FARS2: variants seen among roughly 807,000 people sequenced by gnomAD.
FARS2 encodes the protein phenylalanine--tRNA ligase, mitochondrial.
FARS2 carries 40 observed loss-of-function variants against 46.4 expected under a neutral mutation model. The ratio of observed to expected loss-of-function variants is 0.86; its 90% CI spans 0.67 to 1.12. The LOEUF (loss-of-function observed/expected upper bound fraction) is 1.12, where lower values mean the gene tolerates loss of function less well. Among genes scored for constraint, FARS2 ranks in the 50% most tolerant of loss-of-function variants. FARS2 has a pLI of 0.00. For missense variants in FARS2, 513 were observed against 567.9 expected, an observed-to-expected ratio of 0.90 and a Z score of 0.98; for synonymous variants, 234 against 214.9, an observed-to-expected ratio of 1.09 and a Z score of -0.78.
At chr6:5,257,781 G>A (rs149683708), upstream of FARS2, among the ~76,000 whole-genome samples, 14 of 152,224 alleles carry the variant, frequency 9.2e-5, no homozygotes, top group African/African-American at 3.4e-4. Flanking sequence ...CCCTTGACCC[G>A]GTCCATGGAA....
At chr6:5,482,211 C>A (rs1350566509) in intron 4 of FARS2, among the ~76,000 whole-genome samples, 1 of 152,052 alleles carries the variant, frequency 6.6e-6, no homozygotes, top group Non-Finnish European at 1.5e-5. Flanking sequence ...TCCCTCCTCA[C>A]ATTTTTATAT....
At chr6:5,753,061 A>G (rs1762036216) in intron 6 of FARS2, among the ~76,000 whole-genome samples, 1 of 152,202 alleles carries the variant, frequency 6.6e-6, no homozygotes, top group African/African-American at 2.4e-5. Flanking sequence ...TATATGAGAT[A>G]GTCATATGAA....
chr6:5,514,447 A>G (rs1175115255), intron 4 of FARS2, among the ~76,000 whole-genome samples: 1 of 152,216 alleles, frequency 6.6e-6, no homozygotes, highest in Non-Finnish European at 1.5e-5. Context: ...TTAAAAGTCT[A>G]AACATTCATG....
chr6:5,613,530 A>G (rs1775303019), intron 6 of FARS2, among the ~76,000 whole-genome samples: 1 of 152,198 alleles, frequency 6.6e-6, no homozygotes, highest in Non-Finnish European at 1.5e-5. Context: ...TTCCTGCCTT[A>G]GTAAAGAAAA....
At chr6:5,389,061 A>T (rs1172088838) in intron 2 of FARS2, among the ~76,000 whole-genome samples, 1 of 151,960 alleles carries the variant, frequency 6.6e-6, no homozygotes, top group Non-Finnish European at 1.5e-5. Flanking sequence ...TTTACTTTTT[A>T]CTCAGAGAGT....
chr6:5,264,164 T>C (rs1765382987), intron 1 of FARS2, among the ~76,000 whole-genome samples: 1 of 152,142 alleles, frequency 6.6e-6, no homozygotes, highest in Non-Finnish European at 1.5e-5. Context: ...GGAGGATTGC[T>C]TGAGCCCTGG....
chr6:5,548,074 A>C (rs1005447649), intron 5 of FARS2, among the ~76,000 whole-genome samples: 1 of 152,192 alleles, frequency 6.6e-6, no homozygotes, highest in East Asian at 1.9e-4. Context: ...AGCAAGAGAA[A>C]ATGATGAAGA....
At chr6:5,724,894 C>G (rs1468632995) in intron 6 of FARS2, among the ~76,000 whole-genome samples, 1 of 152,216 alleles carries the variant, frequency 6.6e-6, no homozygotes, top group African/African-American at 2.4e-5. Context: ...ACTCTGTGTC[C>G]TGCACCATGC....
intron 5 of FARS2, among the ~76,000 whole-genome samples, chr6:5,580,933 C>T (rs1773293530): frequency 6.6e-6 from 1 of 152,226 alleles, no homozygotes; most frequent in South Asian, 2.1e-4. Context: ...GAACGATAAA[C>T]AGAACCTTTG....
rs996252494 is a variant in FARS2, at chr6:5,471,842, G to T, written c.904+40670G>T. ...CTTGAGAATTGAGCCCAGGGAAGCT[G>T]CAGTGTGGTGCAGCAGATGCGTACT... On this transcript the variant is annotated intron_variant, in intron 4 of 6. Transcript: ENST00000274680. This position sits in a 1 kb window ranked among gnomAD's most constrained non-coding sequence, Gnocchi z 4.1. 1.3e-5 allele frequency among the ~76,000 whole-genome samples: 2 copies of T among 152,204 alleles called. No homozygotes were observed. The highest frequency in any genetic ancestry group is 2.9e-5 in the Non-Finnish European group (2 of 68,040).
In FARS2 at chr6:5,525,507, C is replaced by T. The variant is rs77590572; in HGVS notation, c.905-19673C>T. On this transcript the variant is annotated intron_variant, in intron 4 of 6. Coordinates refer to ENST00000274680, the MANE Select transcript of FARS2 (RefSeq NM_006567.5). ...TTCCAGCGTGGCATTGACCACATGC[C>T]TCTAATCAACCTCTGATTACCGTAG... is the stretch of plus-strand genomic sequence containing the variant. 5.9e-3 allele frequency among the ~76,000 whole-genome samples: 901 copies of T among 152,264 alleles called. 9 individuals carry two copies. Among genetic ancestry groups the T allele is most frequent in the African/African-American group, 0.02 (844 of 41,554 alleles).
intron 2 of FARS2, 142 bp downstream of exon 2, chr6:5,369,324 A>C: frequency 1.3e-6 from 1 of 782,810 alleles, no homozygotes; most frequent in Admixed American, 2.7e-5. Context: ...ACTTAATGAC[A>C]TCTTGTGTAT....
intron 4 of FARS2, among the ~76,000 whole-genome samples, chr6:5,480,455 C>T (rs991776200): frequency 2.6e-5 from 4 of 152,116 alleles, no homozygotes; most frequent in East Asian, 1.9e-4. Context: ...TTATTGTATC[C>T]GGTGTTTCTT....
At chr6:5,254,621 G>A in the FARS2 span, among the ~76,000 whole-genome samples, 1 of 152,128 alleles carries the variant, frequency 6.6e-6, no homozygotes, top group Non-Finnish European at 1.5e-5. Flanking sequence ...CCCTAACAAA[G>A]GTAAGAACAG....
intron 6 of FARS2, among the ~76,000 whole-genome samples, chr6:5,664,745 C>T (rs910578886): frequency 6.6e-6 from 1 of 152,188 alleles, no homozygotes; most frequent in Admixed American, 6.5e-5. Flanking sequence ...AACATGGACG[C>T]TTCCTCAGCG....
rs200898031 is a variant in FARS2 at position 5,607,285 on chromosome 6, A to ATGTGTG, written c.1066-5844_1066-5839dup. ...AACAATTTATTAAAGAATAATATGT[A>ATGTGTG]TGTGTGTGTGTGTGTGTGTGTGTGT... is the stretch of plus-strand genomic sequence containing the variant. On this transcript the variant is annotated intron_variant, in intron 5 of 6. Transcript: ENST00000274680. Among the ~76,000 whole-genome samples the ATGTGTG allele has an allele frequency of 6.4e-3, 482 of 75,024 alleles. 3 individuals are homozygous for ATGTGTG. Among genetic ancestry groups the ATGTGTG allele is most frequent in the African/African-American group, 0.014 (385 of 26,942 alleles). 49.2% of individuals were successfully genotyped at this position (75,024 alleles called of 152,430 possible). A position where few individuals can be genotyped will look rare whatever the true frequency, so the allele number is the denominator to read the frequency against.
intron 1 of FARS2, among the ~76,000 whole-genome samples, chr6:5,359,450 G>T (rs1333111718): frequency 6.6e-6 from 1 of 152,092 alleles, no homozygotes; most frequent in East Asian, 1.9e-4. Context: ...TTTTTAAAAA[G>T]ACATTGTCTG....
chr6:5,550,825 G>A (rs546187249), intron 5 of FARS2, among the ~76,000 whole-genome samples: 1 of 152,150 alleles, frequency 6.6e-6, no homozygotes, highest in Admixed American at 6.6e-5. Context: ...ATAATTCATT[G>A]CTATTTCTGG....
At chr6:5,699,854 G>A (rs994414206) in intron 6 of FARS2, among the ~76,000 whole-genome samples, 1 of 152,116 alleles carries the variant, frequency 6.6e-6, no homozygotes. Context: ...CTGGACTGGG[G>A]CCTTGCACCG....
Sources: allele counts gnomAD v4.1 joint callset (sites outside exome capture counted in the v4.1 genomes callset), GRCh38; gene constraint gnomAD v4.1.1; non-coding constraint Gnocchi (gnomAD v3.1); transcripts MANE v1.5; gene names NCBI Gene and HGNC (gene_info 2026-07-23, HGNC 2026-07-21).